MFSD11: variants seen among roughly 807,000 people sequenced by gnomAD.
The protein encoded by MFSD11 is major facilitator superfamily domain containing 11, also known as UNC93-like protein MFSD11.
Under a neutral mutation model 53.5 loss-of-function variants are expected in MFSD11, and 36 were observed. The ratio of observed to expected loss-of-function variants is 0.67; its 90% CI spans 0.52 to 0.89. MFSD11 has a LOEUF of 0.89. Ranked by LOEUF, MFSD11 falls within the 40% of genes least tolerant of loss-of-function variation. The probability of loss-of-function intolerance (pLI) is 0.00; values close to 1 mark genes in which losing one functional copy is unlikely to be tolerated. For missense variants in MFSD11, 530 were observed against 543.9 expected (o/e 0.97, Z 0.25); for synonymous variants, 186 against 184.9 (o/e 1.01, Z -0.05).
chr17:76,772,720 G>C (rs1483585599), intron 10 of MFSD11, among the ~76,000 whole-genome samples: 1 of 151,942 alleles, frequency 6.6e-6, no homozygotes, highest in Non-Finnish European at 1.5e-5. Flanking sequence ...GTTTCACCAT[G>C]TTGGCCAGGC....
chr17:76,738,852 C>A, intron 1 of MFSD11, 86 bp from the exon 2 acceptor site: 1 of 1,017,696 alleles, frequency 9.8e-7, no homozygotes, highest in Non-Finnish European at 1.6e-6. Context: ...ACTTTATTCT[C>A]TTGCTGAGTA....
At chr17:76,780,517 GT>G (rs80157532), downstream of MFSD11, among the ~76,000 whole-genome samples, 1,416 of 134,432 alleles carry the variant, frequency 0.011, 15 homozygotes, top group South Asian at 0.029. Context: ...TTGTGTATGT[GT>G]TTTTTTTTTT....
chr17:76,785,177 G>T (rs897429186), downstream of MFSD11, among the ~76,000 whole-genome samples: 9 of 152,202 alleles, frequency 5.9e-5, no homozygotes, highest in African/African-American at 2.2e-4. Flanking sequence ...GATGGACCTG[G>T]AGGACATTAT....
chr17:76,755,151 A>G (rs1396373336), intron 8 of MFSD11, among the ~76,000 whole-genome samples: 1 of 151,364 alleles, frequency 6.6e-6, no homozygotes, highest in Admixed American at 6.6e-5. Context: ...CAGGAGGTGG[A>G]GGTTGCACTG....
upstream of MFSD11, chr17:76,736,695 C>T (rs1211737867): frequency 7.0e-6 from 9 of 1,291,298 alleles, no homozygotes; most frequent in Admixed American, 1.2e-4. Flanking sequence ...CACCCCCGCC[C>T]CGTCCGGGCC....
At chr17:76,793,650 A>T in the MFSD11 span, among the ~76,000 whole-genome samples, 2 of 151,530 alleles carry the variant, frequency 1.3e-5, no homozygotes, top group African/African-American at 2.5e-5. Flanking sequence ...TCACAAGGGT[A>T]TTGATTGGGG....
intron 2 of MFSD11, among the ~76,000 whole-genome samples, chr17:76,740,227 GATTC>G (rs1216633337): frequency 3.3e-5 from 5 of 150,590 alleles, no homozygotes; most frequent in Non-Finnish European, 7.4e-5. Context: ...ATATTTGAGA[GATTC>G]ATAAAAGCCA....
chr17:76,799,027 C>CA, the MFSD11 span: 2,462 of 99,030 alleles, frequency 0.025, 29 homozygotes, highest in Admixed American at 0.038. Flanking sequence ...AACTCCATCT[C>CA]AAAAAAAAAA....
At chr17:76,739,927 G>A (rs903189624) in intron 2 of MFSD11, among the ~76,000 whole-genome samples, 45 of 152,256 alleles carry the variant, frequency 3.0e-4, no homozygotes, top group African/African-American at 1.0e-3. Context: ...AGCGCTTTGG[G>A]AGGCGGAGGT....
the MFSD11 span, among the ~76,000 whole-genome samples, chr17:76,791,924 C>T: frequency 6.9e-6 from 1 of 144,602 alleles, no homozygotes; most frequent in Non-Finnish European, 1.5e-5. Flanking sequence ...GGATCAGAAA[C>T]CATTGAAACC....
rs528472998 is a variant in MFSD11 at position 76,763,056 on chromosome 17, C to T, written c.683-4330C>T. On this transcript the variant is annotated intron_variant, in intron 8 of 12. Transcript: ENST00000685175. ...TGACTGAACTCCCCCAATGGTAATA[C>T]ATAAAGTTCGTGTACAAGTTTTTGT... Among the ~76,000 whole-genome samples the T allele has an allele frequency of 8.5e-5, 13 of 152,224 alleles. No individual in the cohort carries two copies. The South Asian group carries it at 2.7e-3, about 32-fold the overall frequency.
intron 8 of MFSD11, among the ~76,000 whole-genome samples, chr17:76,758,435 T>C (rs1242445276): frequency 1.3e-5 from 2 of 151,944 alleles, no homozygotes; most frequent in African/African-American, 4.8e-5. Flanking sequence ...GTACAAAAAT[T>C]AGCTGGGTTT....
At chr17:76,787,763 C>T in the MFSD11 span, among the ~76,000 whole-genome samples, 1 of 146,376 alleles carries the variant, frequency 6.8e-6, no homozygotes, top group Non-Finnish European at 1.5e-5. Context: ...AACCTCAAAA[C>T]AATTCCCAGC....
intron 8 of MFSD11, among the ~76,000 whole-genome samples, chr17:76,758,248 T>G (rs1014546313): frequency 1.3e-5 from 2 of 152,046 alleles, no homozygotes; most frequent in Non-Finnish European, 2.9e-5. Flanking sequence ...TATTAAAACT[T>G]TTAGTAGATT....
chr17:76,802,134 G>T, the MFSD11 span, among the ~76,000 whole-genome samples: 3 of 151,998 alleles, frequency 2.0e-5, no homozygotes, highest in Admixed American at 1.3e-4. Context: ...AGCCAGGTGT[G>T]GTAGTGGGCA....
chr17:76,786,427 C>G (rs747725461), downstream of MFSD11, among the ~76,000 whole-genome samples: 1 of 152,168 alleles, frequency 6.6e-6, no homozygotes, highest in Non-Finnish European at 1.5e-5. Context: ...CAGGCATAAG[C>G]CACCACACCT....
At chr17:76,763,495 CT>C (rs2080489996) in intron 8 of MFSD11, among the ~76,000 whole-genome samples, 1 of 152,070 alleles carries the variant, frequency 6.6e-6, no homozygotes, top group Non-Finnish European at 1.5e-5. Context: ...AATTCCTGAT[CT>C]CAAGTGATCC....
chr17:76,738,175 A>AT lies in MFSD11; in HGVS notation c.-178_-177insT. On this transcript the variant is annotated 5_prime_UTR_variant, in exon 1 of 13. Coordinates refer to ENST00000685175, the MANE Select transcript of MFSD11 (RefSeq NM_001242532.5). Reference sequence around the variant, plus strand: ...AGTATCCTAACTGCCGGTGGGGAGAACTTCGCCCTAAACCTGGGGTTCCGA... The same window carrying AT: ...AGTATCCTAACTGCCGGTGGGGAGAATCTTCGCCCTAAACCTGGGGTTCCGA... The AT allele has an allele frequency of 1.6e-6, 1 of 607,024 alleles. No individual in the cohort carries two copies. Among genetic ancestry groups the AT allele is most frequent in the Middle Eastern group, 4.4e-4 (1 of 2,274 alleles). 37.6% of individuals were successfully genotyped at this position (607,024 alleles called of 1,614,324 possible).
chr17:76,737,363 A>T, upstream of MFSD11: 2 of 598,418 alleles, frequency 3.3e-6, no homozygotes, highest in Non-Finnish European at 5.4e-6. Context: ...GCCCGTTTAT[A>T]TCGCTCCTCA....
Sources: gnomAD v4.1 joint callset for allele counts (sites outside exome capture counted in the v4.1 genomes callset) on GRCh38, gnomAD v4.1.1 for gene constraint, MANE v1.5 for transcripts, NCBI Gene and HGNC (gene_info 2026-07-23, HGNC 2026-07-21) for gene names.